Variants in SHROOM3 observed in about 807,000 individuals in gnomAD.
SHROOM3 encodes shroom family member 3, also known as protein Shroom3.
In SHROOM3, 47 loss-of-function variants were observed where a neutral mutation model predicts 138.6. The observed-to-expected ratio is 0.34, with a 90% CI of 0.27 to 0.43. The LOEUF is 0.43. Ranked by LOEUF, SHROOM3 falls within the 20% of genes least tolerant of loss-of-function variation. SHROOM3 has a pLI of 1.00. For synonymous variants in SHROOM3, 1,062 were observed against 1,063.3 expected (o/e 1.00, Z 0.02); for missense variants, 2,491 against 2,596.5 (o/e 0.96, Z 0.88).
chr4:76,764,816 T>C (rs561520099), intron 9 of SHROOM3, among the ~76,000 whole-genome samples: 4 of 152,328 alleles, frequency 2.6e-5, no homozygotes, highest in African/African-American at 9.6e-5. Flanking sequence ...GGACTTAGTT[T>C]TCTTTGAGTT....
intron 2 of SHROOM3, among the ~76,000 whole-genome samples, chr4:76,609,897 G>A (rs1734726992): frequency 1.3e-5 from 2 of 152,058 alleles, no homozygotes; most frequent in Non-Finnish European, 2.9e-5. Flanking sequence ...TATTAGGCTC[G>A]AGTTTAGATT....
At chr4:76,452,415 C>A (rs1373900716) in intron 1 of SHROOM3, among the ~76,000 whole-genome samples, 3 of 152,238 alleles carry the variant, frequency 2.0e-5, no homozygotes, top group Non-Finnish European at 4.4e-5. Flanking sequence ...TAGCCCCTGG[C>A]AACCGCCATT....
At chr4:76,647,235 C>T (rs923782178) in intron 2 of SHROOM3, among the ~76,000 whole-genome samples, 8 of 151,880 alleles carry the variant, frequency 5.3e-5, no homozygotes, top group African/African-American at 1.2e-4. Context: ...GGTAGAGAGT[C>T]GAGTGTTAGA....
chr4:76,772,377 T>TA (rs945531158), intron 10 of SHROOM3, among the ~76,000 whole-genome samples: 1 of 152,172 alleles, frequency 6.6e-6, no homozygotes, highest in Non-Finnish European at 1.5e-5. Flanking sequence ...GTGCTGGGGT[T>TA]ACAGGCGTGA....
At chr4:76,630,432 GCTCT>G (rs1183219520) in intron 2 of SHROOM3, among the ~76,000 whole-genome samples, 1 of 152,222 alleles carries the variant, frequency 6.6e-6, no homozygotes, top group Non-Finnish European at 1.5e-5. Flanking sequence ...AGGTAGTAGA[GCTCT>G]CTTATGCATT....
chr4:76,742,170 C>T (rs752238142), intron 5 of SHROOM3: 2 of 583,296 alleles, frequency 3.4e-6, no homozygotes, highest in Non-Finnish European at 6.1e-6. Context: ...ATCTGTCTAC[C>T]TCCATTTTAG....
At chr4:76,724,317 T>G (rs866115490) in intron 3 of SHROOM3, among the ~76,000 whole-genome samples, 6 of 152,220 alleles carry the variant, frequency 3.9e-5, no homozygotes, top group South Asian at 2.1e-4. Context: ...TTCTTTAAGT[T>G]CTTAAAGATC....
chr4:76,684,091 C>T (rs1312949615), intron 2 of SHROOM3, among the ~76,000 whole-genome samples: 1 of 152,146 alleles, frequency 6.6e-6, no homozygotes, highest in Non-Finnish European at 1.5e-5. Context: ...TATAGGACCC[C>T]CTTCTTTCAC....
At chr4:76,713,763 C>T (rs1720297884) in intron 3 of SHROOM3, among the ~76,000 whole-genome samples, 4 of 152,104 alleles carry the variant, frequency 2.6e-5, no homozygotes, top group East Asian at 1.9e-4. Context: ...CTTCACCAGG[C>T]GATAGGAATT....
At chr4:76,445,175 C>T (rs1730780616) in intron 1 of SHROOM3, among the ~76,000 whole-genome samples, 1 of 151,352 alleles carries the variant, frequency 6.6e-6, no homozygotes, top group African/African-American at 2.4e-5. Context: ...TGCAATAGTG[C>T]TTTGTAGGTA....
At chr4:76,497,938 A>G (rs1732003629) in intron 1 of SHROOM3, among the ~76,000 whole-genome samples, 1 of 152,202 alleles carries the variant, frequency 6.6e-6, no homozygotes, top group Non-Finnish European at 1.5e-5. Flanking sequence ...GCTGGAGCAG[A>G]GCACCCAAAG....
chr4:76,665,020 G>A (rs973751205), intron 2 of SHROOM3, among the ~76,000 whole-genome samples: 4 of 152,090 alleles, frequency 2.6e-5, no homozygotes, highest in African/African-American at 9.7e-5. Flanking sequence ...AGGCTTCCAG[G>A]TGATTCAGAT....
chr4:76,503,029 C>T (rs1355365105), intron 1 of SHROOM3, among the ~76,000 whole-genome samples: 2 of 152,272 alleles, frequency 1.3e-5, no homozygotes, highest in South Asian at 2.1e-4. Context: ...CAATATTATA[C>T]AATCTTGATT....
chr4:76,770,562 G>A, intron 9 of SHROOM3, 64 bp from the exon 10 acceptor site: 1 of 1,598,828 alleles, frequency 6.3e-7, no homozygotes. Flanking sequence ...GCTGGGGGAG[G>A]TGACTTCTGC....
intron 1 of SHROOM3, among the ~76,000 whole-genome samples, chr4:76,512,241 A>T (rs1195595747): frequency 1.3e-5 from 2 of 152,204 alleles, no homozygotes; most frequent in Non-Finnish European, 2.9e-5. Context: ...TAGATGCCAC[A>T]TGACTTAAGC....
chr4:76,636,325 A>G lies in SHROOM3; in HGVS notation c.324-73831A>G, dbSNP rs1735493489. Among the ~76,000 whole-genome samples, 3 of 152,212 alleles carry G rather than the reference A, an allele frequency of 2.0e-5. No individual in the cohort carries two copies. The South Asian group carries it at 6.2e-4, about 32-fold the overall frequency. On this transcript the variant is annotated intron_variant, in intron 2 of 10. Transcript: ENST00000296043. ...ATACACACAGCCCTACTTGTTTAAT[A>G]AATACTCCAACCATTAGGAACTCTA...
intron 2 of SHROOM3, among the ~76,000 whole-genome samples, chr4:76,675,811 G>A (rs897650662): frequency 2.0e-5 from 3 of 152,146 alleles, no homozygotes; most frequent in African/African-American, 7.2e-5. Flanking sequence ...AGTGAGCTGC[G>A]ATCATGCCAC....
chr4:76,576,246 T>C (rs1384133949), intron 2 of SHROOM3, among the ~76,000 whole-genome samples: 1 of 152,174 alleles, frequency 6.6e-6, no homozygotes, highest in South Asian at 2.1e-4. Flanking sequence ...TGGAAGCAAC[T>C]TAAGTGTCCA....
intron 2 of SHROOM3, among the ~76,000 whole-genome samples, chr4:76,665,430 T>C (rs1718664764): frequency 6.6e-6 from 1 of 152,208 alleles, no homozygotes; most frequent in Non-Finnish European, 1.5e-5. Context: ...CCAAGAGTTC[T>C]TTGGACTTGG....
Sources: allele counts gnomAD v4.1 joint callset (sites outside exome capture counted in the v4.1 genomes callset), GRCh38; gene constraint gnomAD v4.1.1; transcripts MANE v1.5; gene names NCBI Gene and HGNC (gene_info 2026-07-23, HGNC 2026-07-21).